The following TBC1D5 variants were observed in gnomAD, a reference collection of about 807,000 sequenced individuals.
The protein encoded by TBC1D5 is TBC1 domain family, member 5.
Under a neutral mutation model 100.3 loss-of-function variants are expected in TBC1D5, and 75 were observed. The observed-to-expected ratio is 0.75, with a 90% CI of 0.62 to 0.91. The LOEUF is 0.91. Among genes scored for constraint, TBC1D5 ranks in the 40% least tolerant of loss-of-function variants. The pLI is 0.00. For synonymous variants in TBC1D5, 323 were observed against 325.6 expected, an observed-to-expected ratio of 0.99 and a Z score of 0.09; for missense variants, 910 against 942.4, an observed-to-expected ratio of 0.97 and a Z score of 0.45.
intron 2 of TBC1D5, among the ~76,000 whole-genome samples, chr3:17,555,406 C>T (rs552700215): frequency 6.2e-4 from 94 of 152,114 alleles, no homozygotes; most frequent in Non-Finnish European, 1.2e-4. Context: ...TCCAGAAAGG[C>T]GGGGCATCTC....
intron 21 of TBC1D5, among the ~76,000 whole-genome samples, chr3:17,166,514 A>T (rs572788178): frequency 6.6e-6 from 1 of 152,346 alleles, no homozygotes; most frequent in East Asian, 1.9e-4. Context: ...CTCAGGCAGC[A>T]CTGCTGCACA....
chr3:17,554,855 T>C (rs1408196560), intron 2 of TBC1D5, among the ~76,000 whole-genome samples: 1 of 151,872 alleles, frequency 6.6e-6, no homozygotes, highest in Non-Finnish European at 1.5e-5. Flanking sequence ...GCTTTTTTTT[T>C]TTCTTTTTTT....
rs555204508 is a variant in TBC1D5 at position 17,583,052 on chromosome 3, A to G, written c.-36+40797T>C. 9.2e-4 allele frequency among the ~76,000 whole-genome samples: 140 copies of G among 152,278 alleles called. 1 individual carries two copies. Among genetic ancestry groups the G allele is most frequent in the African/African-American group, 3.2e-3 (135 of 41,564 alleles). On this transcript the variant is annotated intron_variant, in intron 2 of 21. Coordinates refer to ENST00000253692, the Ensembl canonical transcript of TBC1D5. ...ATAATCCCAGCACTTTAAGAGACCA[A>G]CGTAGGTGGATCACTTGAGCTCAAG...
chr3:17,362,180 G>A (rs185042373), intron 13 of TBC1D5, among the ~76,000 whole-genome samples: 122 of 152,154 alleles, frequency 8.0e-4, no homozygotes, highest in Non-Finnish European at 1.6e-3. Context: ...AATATATAAA[G>A]CTATGAAACA....
chr3:17,295,561 C>T (rs1036610354), intron 14 of TBC1D5, among the ~76,000 whole-genome samples: 1 of 152,120 alleles, frequency 6.6e-6, no homozygotes, highest in African/African-American at 2.4e-5. Context: ...TAATGATATG[C>T]AGAAAAAGTA....
chr3:17,701,026 C>T (rs2073102866), intron 1 of TBC1D5, among the ~76,000 whole-genome samples: 2 of 152,140 alleles, frequency 1.3e-5, no homozygotes, highest in Admixed American at 6.6e-5. Context: ...AAGACACATG[C>T]ATACGTATGT....
At chr3:17,742,432 T>G (rs2077555300), upstream of TBC1D5, 5 of 152,996 alleles carry the variant, frequency 3.3e-5, no homozygotes, top group Admixed American at 2.6e-4. Context: ...GGCGGAGGCG[T>G]TCAGAGGGCT....
Position 17,265,995 on chromosome 3 carries a change from C to G in TBC1D5, c.1246-7404G>C, listed in dbSNP as rs191505119. Among the ~76,000 whole-genome samples the G allele has an allele frequency of 4.0e-3, 612 of 151,726 alleles. 1 individual carries two copies. The highest frequency in any genetic ancestry group is 6.3e-3 in the Non-Finnish European group (427 of 67,930). ...TTAAGTATTGTTGCCTTTATTTAAA[C>G]AAATATTCCTAAGGAGACAGTTTGT... On this transcript the variant is annotated intron_variant, in intron 15 of 21. Coordinates refer to ENST00000253692, the Ensembl canonical transcript of TBC1D5.
rs74339265 is a variant in TBC1D5, at chr3:17,236,056, G to A, written c.1588+2107C>T. Among the ~76,000 whole-genome samples the A allele has an allele frequency of 8.9e-3, 1,350 of 152,242 alleles. 16 individuals carry two copies. The highest frequency in any genetic ancestry group is 0.031 in the African/African-American group (1,273 of 41,546). On this transcript the variant is annotated intron_variant, in intron 17 of 21. Transcript: ENST00000253692. ...TCCAAATACTTTGCTTAAGTGCTCT[G>A]TTGTCTCCTTATAACTGGGGACTTG...
At chr3:17,330,003 T>C (rs2086679233) in intron 13 of TBC1D5, among the ~76,000 whole-genome samples, 1 of 152,186 alleles carries the variant, frequency 6.6e-6, no homozygotes, top group South Asian at 2.1e-4. Flanking sequence ...CATAAGACTC[T>C]TCATTTACAG....
chr3:17,480,127 G>A (rs376076581), intron 3 of TBC1D5, among the ~76,000 whole-genome samples: 6 of 152,338 alleles, frequency 3.9e-5, no homozygotes, highest in Middle Eastern at 3.4e-3. Context: ...CACATAGGGC[G>A]GCACTGTCAT....
At chr3:17,465,136 G>A (rs2095281117) in intron 3 of TBC1D5, 1 of 152,240 alleles carries the variant, frequency 6.6e-6, no homozygotes, top group Admixed American at 6.5e-5. Context: ...CACCCCCAAC[G>A]TGGGCCCACT....
At chr3:17,167,494 G>C (rs1262103432) in intron 20 of TBC1D5, among the ~76,000 whole-genome samples, 2 of 152,224 alleles carry the variant, frequency 1.3e-5, no homozygotes, top group Non-Finnish European at 2.9e-5. Context: ...TTTGGGTAAG[G>C]AACAAACAGA....
intron 1 of TBC1D5, among the ~76,000 whole-genome samples, chr3:17,724,753 T>G (rs1478451507): frequency 6.6e-6 from 1 of 152,202 alleles, no homozygotes; most frequent in Non-Finnish European, 1.5e-5. Context: ...ATGAAAGACA[T>G]GTCACTTTCT....
At chr3:17,356,242 G>T (rs1443184342) in intron 13 of TBC1D5, among the ~76,000 whole-genome samples, 6 of 152,126 alleles carry the variant, frequency 3.9e-5, no homozygotes, top group African/African-American at 1.4e-4. Context: ...GATGGCTGGG[G>T]ACTATTGAGC....
At chr3:17,580,208 T>C (rs555060739) in intron 2 of TBC1D5, among the ~76,000 whole-genome samples, 49 of 152,244 alleles carry the variant, frequency 3.2e-4, no homozygotes, top group African/African-American at 1.1e-3. Flanking sequence ...ACAGAAATAT[T>C]TACAAACTTG....
chr3:17,552,129 T>C (rs2096479737), intron 2 of TBC1D5, among the ~76,000 whole-genome samples: 1 of 151,742 alleles, frequency 6.6e-6, no homozygotes, highest in Admixed American at 6.6e-5. Flanking sequence ...ACAACTAAAA[T>C]TTGAATATAC....
intron 3 of TBC1D5, among the ~76,000 whole-genome samples, chr3:17,485,456 G>T (rs1018108712): frequency 2.7e-5 from 4 of 150,662 alleles, no homozygotes; most frequent in African/African-American, 9.8e-5. Context: ...TTAGCATTAG[G>T]TGTATCTCCT....
chr3:17,656,798 ATATTT>A (rs1446050643), intron 1 of TBC1D5, among the ~76,000 whole-genome samples: 4 of 150,340 alleles, frequency 2.7e-5, no homozygotes, highest in Admixed American at 1.3e-4. Flanking sequence ...GATGAACTAG[ATATTT>A]TATTTATCAT....
Sources: allele counts gnomAD v4.1 joint callset (sites outside exome capture counted in the v4.1 genomes callset), GRCh38; gene constraint gnomAD v4.1.1; transcripts MANE v1.5; gene names NCBI Gene and HGNC (gene_info 2026-07-23, HGNC 2026-07-21).